Variants in MAP7 observed in about 807,000 individuals in gnomAD.
MAP7 encodes the protein microtubule associated protein 7.
MAP7 carries 52 observed loss-of-function variants against 94.8 expected under a neutral mutation model. The observed-to-expected ratio is 0.55, with a 90% CI of 0.44 to 0.69. The LOEUF (loss-of-function observed/expected upper bound fraction) is 0.69, where lower values mean the gene tolerates loss of function less well. Ranked by LOEUF, MAP7 falls within the 30% of genes least tolerant of loss-of-function variation. MAP7 has a pLI of 0.00. For missense variants in MAP7, 940 were observed against 964.6 expected (o/e 0.97, Z 0.34); for synonymous variants, 350 against 357.0 (o/e 0.98, Z 0.22).
In MAP7 at chr6:136,393,978, A is replaced by AATTTT. The variant is rs1554242697; in HGVS notation, c.245-4462_245-4461insAAAAT. The stretch of plus-strand genomic sequence containing the variant: ...GTTCTGATATCTCTGCAGCAAAGGT[A>AATTTT]TTTTTTTTTTTTTTTTTTTTTTTGA... On this transcript the variant is annotated intron_variant, in intron 3 of 17. Coordinates refer to ENST00000354570, the MANE Select transcript of MAP7 (RefSeq NM_003980.6). Among the ~76,000 whole-genome samples the AATTTT allele has an allele frequency of 4.4e-4, 16 of 36,198 alleles. 2 individuals carry two copies. The highest frequency in any genetic ancestry group is 9.3e-4 in the Non-Finnish European group (13 of 13,994). The allele number at this position is 36,198 out of a possible 152,430, so 23.7% of individuals were successfully genotyped here. A position where few individuals can be genotyped will look rare whatever the true frequency, so the allele number is the denominator to read the frequency against.
intron 1 of MAP7, among the ~76,000 whole-genome samples, chr6:136,533,099 C>G (rs1315673149): frequency 6.6e-6 from 1 of 152,118 alleles, no homozygotes; most frequent in African/African-American, 2.4e-5. Context: ...ATGGAGAAAC[C>G]CCATCTCTAC....
intron 1 of MAP7, among the ~76,000 whole-genome samples, chr6:136,517,880 C>T (rs1459946112): frequency 6.6e-6 from 1 of 152,130 alleles, no homozygotes; most frequent in Non-Finnish European, 1.5e-5. Context: ...TAAATCGGGG[C>T]TCAGAGGCGA....
intron 1 of MAP7, among the ~76,000 whole-genome samples, chr6:136,499,925 G>C: frequency 6.6e-6 from 1 of 152,072 alleles, no homozygotes; most frequent in Non-Finnish European, 1.5e-5. Flanking sequence ...GAGCCTGGGA[G>C]GTCAAGCTGG....
At chr6:136,395,144 T>C (rs1263576903) in intron 3 of MAP7, among the ~76,000 whole-genome samples, 3 of 151,280 alleles carry the variant, frequency 2.0e-5, no homozygotes, top group Non-Finnish European at 4.4e-5. Flanking sequence ...GGAGCTTCCA[T>C]ACTGTCTTCC....
At chr6:136,490,452 T>A (rs561918087) in intron 1 of MAP7, among the ~76,000 whole-genome samples, 1 of 152,178 alleles carries the variant, frequency 6.6e-6, no homozygotes, top group East Asian at 1.9e-4. Flanking sequence ...TCACCTGTTT[T>A]TTGATTCAGT....
chr6:136,447,656 T>C (rs1207118513), intron 1 of MAP7, among the ~76,000 whole-genome samples: 1 of 152,188 alleles, frequency 6.6e-6, no homozygotes. Context: ...GCCTCAATGA[T>C]TGTCTGAATA....
At chr6:136,526,759 G>T in intron 1 of MAP7, 1 of 846,568 alleles carries the variant, frequency 1.2e-6, no homozygotes, top group Non-Finnish European at 1.4e-6. Flanking sequence ...TTCTGGGCCA[G>T]GTTGTCTATC....
At chr6:136,351,032 G>A (rs535687614) in intron 16 of MAP7, among the ~76,000 whole-genome samples, 18 of 152,050 alleles carry the variant, frequency 1.2e-4, no homozygotes, top group Non-Finnish European at 2.4e-4. Flanking sequence ...GGAAATGCAA[G>A]TCATAAAAAT....
At chr6:136,349,299 C>T (rs981007791) in intron 16 of MAP7, among the ~76,000 whole-genome samples, 3 of 151,976 alleles carry the variant, frequency 2.0e-5, no homozygotes, top group East Asian at 1.9e-4. Flanking sequence ...ATTTTATAAA[C>T]GTCGTATATC....
rs56764706 is a variant in MAP7 at position 136,505,277 on chromosome 6, G to GTATATATA, written c.67+45057_67+45064dup. Among the ~76,000 whole-genome samples, 347 of 53,806 alleles carry GTATATATA rather than the reference G, an allele frequency of 6.4e-3. 6 individuals are homozygous for GTATATATA. Among genetic ancestry groups the GTATATATA allele is most frequent in the Non-Finnish European group, 7.2e-3 (218 of 30,288 alleles). 35.3% of individuals were successfully genotyped at this position (53,806 alleles called of 152,430 possible). ...TGTGTGTGTGTGTGTGTGTGTGTGT[G>GTATATATA]TATATATATATATATATATATATAT... is the stretch of plus-strand genomic sequence containing the variant. On this transcript the variant is annotated intron_variant, in intron 1 of 17. Coordinates refer to ENST00000354570, the MANE Select transcript of MAP7 (RefSeq NM_003980.6).
chr6:136,476,292 T>C (rs1810892218), intron 1 of MAP7: 1 of 152,192 alleles, frequency 6.6e-6, no homozygotes. Context: ...AGAGCTGTGC[T>C]GTCCAGTAGG....
intron 1 of MAP7, among the ~76,000 whole-genome samples, chr6:136,464,430 C>T (rs1487674150): frequency 9.2e-5 from 14 of 152,322 alleles, no homozygotes; most frequent in Non-Finnish European, 2.9e-5. Flanking sequence ...TCCTATTACT[C>T]TATATTGTTA....
intron 6 of MAP7, among the ~76,000 whole-genome samples, chr6:136,378,774 C>T (rs1776944716): frequency 6.6e-6 from 1 of 152,166 alleles, no homozygotes; most frequent in Admixed American, 6.5e-5. Flanking sequence ...AGTGATGGCT[C>T]ATGAAAAGAT....
Position 136,361,006 on chromosome 6 carries a change from T to A in MAP7, c.1700A>T (p.Gln567Leu). The change falls in exon 12 of 18, where the codon CAG becomes CTG. Residue 567 changes from glutamine to leucine, a missense_variant and splice_region_variant. Transcript: ENST00000354570. Reference protein sequence around the residue: ...EREEAERAQRQKEEEARVREE... With the variant: ...EREEAERAQRLKEEEARVREE... Reference sequence around the variant, plus strand: ...GGCCAGGGTGGGGTGCGGCCGCACCTGCCTCTGGGCGCGCTCTGCCTCCTC... The same window carrying A: ...GGCCAGGGTGGGGTGCGGCCGCACCAGCCTCTGGGCGCGCTCTGCCTCCTC... The A allele has an allele frequency of 6.4e-7, 1 of 1,567,682 alleles. No homozygotes were observed. The highest frequency in any genetic ancestry group is 8.6e-7 in the Non-Finnish European group (1 of 1,163,512).
Position 136,461,231 on chromosome 6 carries a change from TTGA to T in MAP7, c.68-39435_68-39433del, listed in dbSNP as rs142348415. ...TAAAGAAACAGCTTTTGCTTAGTTATTGATGATTTCACCTAATTTGAATCCAAA... is the reference window on the plus strand; with the variant it reads ...TAAAGAAACAGCTTTTGCTTAGTTATTGATTTCACCTAATTTGAATCCAAA... On this transcript the variant is annotated intron_variant, in intron 1 of 17. Coordinates refer to ENST00000354570, the MANE Select transcript of MAP7 (RefSeq NM_003980.6). Among the ~76,000 whole-genome samples the T allele has an allele frequency of 3.9e-3, 596 of 152,324 alleles. 5 individuals are homozygous for T. The highest frequency in any genetic ancestry group is 0.014 in the African/African-American group (571 of 41,590).
chr6:136,441,532 G>C (rs1264648981), intron 1 of MAP7, among the ~76,000 whole-genome samples: 1 of 152,076 alleles, frequency 6.6e-6, no homozygotes, highest in Non-Finnish European at 1.5e-5. Context: ...TGCTCTTTCA[G>C]CATATAGGTA....
chr6:136,364,123 C>A, intron 10 of MAP7: 3 of 366,798 alleles, frequency 8.2e-6, no homozygotes, highest in South Asian at 7.2e-5. Flanking sequence ...CACACTTGCT[C>A]ACACCATGGC....
chr6:136,430,605 C>T (rs1389755100), intron 1 of MAP7, among the ~76,000 whole-genome samples: 1 of 152,092 alleles, frequency 6.6e-6, no homozygotes, highest in African/African-American at 2.4e-5. Flanking sequence ...ATGTAAACTT[C>T]GTAAAATTTA....
chr6:136,360,866 C>T (rs1792465064), intron 12 of MAP7, 68 bp from the exon 13 acceptor site: 2 of 1,583,694 alleles, frequency 1.3e-6, no homozygotes, highest in Non-Finnish European at 1.7e-6. Context: ...CAGGGGGTGC[C>T]CAGAGGTGGG....
Sources: gnomAD v4.1 joint callset for allele counts (sites outside exome capture counted in the v4.1 genomes callset) on GRCh38, gnomAD v4.1.1 for gene constraint, MANE v1.5 for transcripts, NCBI Gene and HGNC (gene_info 2026-07-23, HGNC 2026-07-21) for gene names.